CYRIA: variants seen among roughly 807,000 people sequenced by gnomAD.
The protein encoded by CYRIA is CYFIP-related Rac1 interactor A.
Under a neutral mutation model 43.9 loss-of-function variants are expected in CYRIA, and 15 were observed. That is an observed-to-expected ratio of 0.34 (90% CI 0.23 to 0.53). CYRIA has a LOEUF of 0.53. Among genes scored for constraint, CYRIA ranks in the 20% least tolerant of loss-of-function variants. The pLI is 0.94. For synonymous variants in CYRIA, 117 were observed against 136.0 expected (o/e 0.86, Z 0.97); for missense variants, 236 against 394.2 (o/e 0.60, Z 3.40).
chr2:16,658,370 A>C (rs1014956845), intron 1 of CYRIA, among the ~76,000 whole-genome samples: 1 of 152,246 alleles, frequency 6.6e-6, no homozygotes, highest in African/African-American at 2.4e-5. Flanking sequence ...AACAAATTTT[A>C]TTCAAAGGTC....
chr2:16,619,964 AC>A (rs1668943856), intron 2 of CYRIA, among the ~76,000 whole-genome samples: 4 of 152,186 alleles, frequency 2.6e-5, no homozygotes, highest in Non-Finnish European at 5.9e-5. Flanking sequence ...GGCAGAGAAC[AC>A]ATTTCATCCT....
intron 1 of CYRIA, among the ~76,000 whole-genome samples, chr2:16,659,066 C>G (rs1040166747): frequency 2.0e-5 from 3 of 152,222 alleles, no homozygotes; most frequent in Non-Finnish European, 4.4e-5. Flanking sequence ...TGAAGGACGT[C>G]AGCCAAACAC....
At chr2:16,591,919 C>T (rs1162066974) in intron 2 of CYRIA, among the ~76,000 whole-genome samples, 2 of 152,048 alleles carry the variant, frequency 1.3e-5, no homozygotes, top group East Asian at 1.9e-4. Context: ...CACAATGACT[C>T]CCTTGGCATC....
At chr2:16,653,667 C>G (rs2103550509) in intron 1 of CYRIA, among the ~76,000 whole-genome samples, 1 of 152,300 alleles carries the variant, frequency 6.6e-6, no homozygotes, top group Middle Eastern at 3.4e-3. Context: ...AAGTGCACAA[C>G]TCATTGTAGG....
intron 3 of CYRIA, among the ~76,000 whole-genome samples, chr2:16,582,596 T>C (rs866644023): frequency 6.6e-6 from 1 of 152,332 alleles, no homozygotes; most frequent in South Asian, 2.1e-4. Flanking sequence ...AGACATTTCA[T>C]ATAGATGAAA....
intron 1 of CYRIA, among the ~76,000 whole-genome samples, chr2:16,637,290 G>A (rs758088707): frequency 6.6e-6 from 1 of 152,186 alleles, no homozygotes; most frequent in Non-Finnish European, 1.5e-5. Flanking sequence ...TCATAGGTTG[G>A]AGCCTAAATT....
At chr2:16,657,907 T>C (rs533152875) in intron 1 of CYRIA, among the ~76,000 whole-genome samples, 1 of 152,200 alleles carries the variant, frequency 6.6e-6, no homozygotes, top group African/African-American at 2.4e-5. Context: ...CATGATGAAA[T>C]AAACTTCCCA....
At chr2:16,557,316 C>A (rs544628216) in intron 10 of CYRIA, among the ~76,000 whole-genome samples, 11 of 152,118 alleles carry the variant, frequency 7.2e-5, no homozygotes, top group Non-Finnish European at 1.5e-4. Context: ...TTCGGCAAAA[C>A]GAGTTTCTCC....
intron 1 of CYRIA, among the ~76,000 whole-genome samples, chr2:16,663,546 G>T (rs992816220): frequency 2.6e-5 from 4 of 151,846 alleles, no homozygotes; most frequent in Non-Finnish European, 5.9e-5. Context: ...CTATGGCCCT[G>T]GGGAGCTATG....
chr2:16,622,141 C>T (rs1669017141), intron 2 of CYRIA, among the ~76,000 whole-genome samples: 1 of 152,092 alleles, frequency 6.6e-6, no homozygotes. Flanking sequence ...GGATACCGGC[C>T]CCAAATCAAT....
At chr2:16,581,139 G>C (rs1479497706) in intron 3 of CYRIA, among the ~76,000 whole-genome samples, 1 of 152,030 alleles carries the variant, frequency 6.6e-6, no homozygotes, top group Non-Finnish European at 1.5e-5. Context: ...TTCATGAAAA[G>C]ATATCAATAA....
intron 1 of CYRIA, among the ~76,000 whole-genome samples, chr2:16,654,227 T>C (rs1670045021): frequency 6.6e-6 from 1 of 152,252 alleles, no homozygotes; most frequent in Admixed American, 6.5e-5. Context: ...CTCCGAGTCT[T>C]GGTTTTGCTC....
chr2:16,654,034 T>A (rs1670038861), intron 1 of CYRIA, among the ~76,000 whole-genome samples: 1 of 151,946 alleles, frequency 6.6e-6, no homozygotes. Flanking sequence ...GCAGATTGAG[T>A]TATGACCAGC....
chr2:16,610,402 G>A (rs895869894), intron 2 of CYRIA, among the ~76,000 whole-genome samples: 4 of 152,218 alleles, frequency 2.6e-5, no homozygotes, highest in African/African-American at 9.6e-5. Flanking sequence ...TTAAGACATG[G>A]CCTGTGGCCT....
At chr2:16,603,942 C>T (rs1051043251) in intron 2 of CYRIA, among the ~76,000 whole-genome samples, 1 of 152,174 alleles carries the variant, frequency 6.6e-6, no homozygotes, top group Non-Finnish European at 1.5e-5. Flanking sequence ...TAATTATATC[C>T]TAAATATGCC....
chr2:16,567,911 G>T (rs1431304030), intron 3 of CYRIA, among the ~76,000 whole-genome samples: 1 of 152,166 alleles, frequency 6.6e-6, no homozygotes, highest in African/African-American at 2.4e-5. Context: ...GCAATGGAAG[G>T]TGAAATGGAG....
chr2:16,629,691 TA>T (rs1669271004), intron 1 of CYRIA, among the ~76,000 whole-genome samples: 1 of 152,204 alleles, frequency 6.6e-6, no homozygotes, highest in African/African-American at 2.4e-5. Flanking sequence ...GGAATAGAGA[TA>T]TTTTTTACCT....
intron 9 of CYRIA, 39 bp downstream of exon 9, chr2:16,560,951 T>C: frequency 6.4e-7 from 1 of 1,558,222 alleles, no homozygotes; most frequent in African/African-American, 1.4e-5. Context: ...ACTGGCTGGG[T>C]GAAGTCTCAA....
At chr2:16,633,769 A>AAATGTGT (rs1159502775) in intron 1 of CYRIA, among the ~76,000 whole-genome samples, 1 of 151,950 alleles carries the variant, frequency 6.6e-6, no homozygotes, top group Non-Finnish European at 1.5e-5. Flanking sequence ...TGCAGAAAAA[A>AAATGTGT]GTTTTCAAAA....
Sources: gnomAD v4.1 joint callset for allele counts (sites outside exome capture counted in the v4.1 genomes callset) on GRCh38, gnomAD v4.1.1 for gene constraint, MANE v1.5 for transcripts, NCBI Gene and HGNC (gene_info 2026-07-23, HGNC 2026-07-21) for gene names.